The following OR2T1 variants were observed in gnomAD, a reference collection of about 807,000 sequenced individuals.
OR2T1 encodes olfactory receptor family 2 subfamily T member 1, also known as olfactory receptor 2T1.
For missense variants in OR2T1, 440 were observed against 390.2 expected (o/e 1.13, Z -1.07); for synonymous variants, 186 against 145.4 (o/e 1.28, Z -2.01).
At chr1:248,403,894 T>C (rs921208540) in intron 1 of OR2T1, among the ~76,000 whole-genome samples, 2 of 152,090 alleles carry the variant, frequency 1.3e-5, no homozygotes, top group African/African-American at 4.8e-5. Context: ...TCCCTTTGCA[T>C]TGCTAGGTTT....
intron 1 of OR2T1, 163 bp from the exon 2 acceptor site, chr1:248,405,952 T>G (rs750396461): frequency 6.6e-7 from 1 of 1,506,314 alleles, no homozygotes; most frequent in African/African-American, 1.4e-5. Context: ...CAATTTTATT[T>G]AAAAACCTTC....
Position 248,406,495 on chromosome 1 carries a change from C to T in OR2T1, c.348C>T (p.Leu116=). 6.2e-7 allele frequency: 1 copy of T among 1,614,152 alleles called. No individual in the cohort carries two copies. Among genetic ancestry groups the T allele is most frequent in the Non-Finnish European group, 8.5e-7 (1 of 1,180,012 alleles). The stretch of plus-strand genomic sequence containing the variant: ...GAGCTGAATTCTTCCTGCTGGGCCT[C>T]ATGGCCTATGACCGCTATGTGGCCA... ...LVGAEFFLLG[L]MAYDRYVAIC... Residue 116 remains leucine (L), a synonymous_variant, in exon 2 of 2, where the codon CTC becomes CTT. Transcript: ENST00000642005.
intron 1 of OR2T1, among the ~76,000 whole-genome samples, chr1:248,404,249 A>AGAGAGCAGAGGGCGCTACTACATATACGT (rs1416219656): frequency 3.7e-4 from 1 of 2,694 alleles, no homozygotes; most frequent in African/African-American, 9.9e-4. Context: ...AGCAGAGACC[A>AGAGAGCAGAGGGCGCTACTACATATACGT]CTGTTTGACT....
chr1:248,406,290 T>A lies in OR2T1; in HGVS notation c.143T>A (p.Ile48Asn). 4.3e-6 allele frequency: 7 copies of A among 1,614,164 alleles called. No individual in the cohort carries two copies. Among genetic ancestry groups the A allele is most frequent in the Non-Finnish European group, 5.9e-6 (7 of 1,180,014 alleles). Residue 48 changes from isoleucine to asparagine, a missense_variant, in exon 2 of 2, where the codon ATC (isoleucine) becomes AAC (asparagine). By Grantham distance (149) the Ile-to-Asn change is moderately radical. Coordinates refer to ENST00000642005, the MANE Select transcript of OR2T1 (RefSeq NM_030904.2). ...LMANGVMIFL[I>N]QTDLRLHTPM... is the part of the protein sequence containing the mutation. The stretch of plus-strand genomic sequence containing the variant: ...GCCAATGGGGTTATGATCTTCCTGA[T>A]CCAAACAGATTTGCGCCTTCATACA...
rs1230462048 is a variant in OR2T1, at chr1:248,407,158, G to A, written c.*54G>A. ...AATGGGGGACTCTGTGGTCACTGTGGCTGTGCTTTCATCAAAAGATGAAGC... is the reference window on the plus strand; with the variant it reads ...AATGGGGGACTCTGTGGTCACTGTGACTGTGCTTTCATCAAAAGATGAAGC... On this transcript the variant is annotated 3_prime_UTR_variant, in exon 2 of 2. Coordinates refer to ENST00000642005, the MANE Select transcript of OR2T1 (RefSeq NM_030904.2). 12 of 1,486,958 alleles carry A rather than the reference G, an allele frequency of 8.1e-6. No individual in the cohort carries two copies. Among genetic ancestry groups the A allele is most frequent in the Admixed American group, 2.3e-5 (1 of 43,658 alleles). The allele number at this position is 1,486,958 out of a possible 1,614,324, so 92.1% of individuals were successfully genotyped here.
chr1:248,407,295 CT>C lies in OR2T1; in HGVS notation c.*192del, dbSNP rs1572882555. 2.3e-5 allele frequency: 11 copies of C among 469,258 alleles called. No homozygotes were observed. Among genetic ancestry groups the C allele is most frequent in the Non-Finnish European group, 3.7e-5 (10 of 270,910 alleles). 29.1% of individuals were successfully genotyped at this position (469,258 alleles called of 1,614,324 possible). On this transcript the variant is annotated 3_prime_UTR_variant, in exon 2 of 2. Coordinates refer to ENST00000642005, the MANE Select transcript of OR2T1 (RefSeq NM_030904.2). ...TTTTAGGCCTCAGAAAACTGAATCT[CT>C]CTCTGTGATCTTCGCCTTCCCTCTT... is the stretch of plus-strand genomic sequence containing the variant.
intron 1 of OR2T1, among the ~76,000 whole-genome samples, chr1:248,403,519 G>A (rs898100554): frequency 6.6e-6 from 1 of 152,116 alleles, no homozygotes; most frequent in Non-Finnish European, 1.5e-5. Flanking sequence ...ATTAATTAAT[G>A]TCGTGACCAG....
Position 248,406,644 on chromosome 1 carries a change from C to T in OR2T1, c.497C>T (p.Pro166Leu), listed in dbSNP as rs747417810. 3.1e-6 allele frequency: 5 copies of T among 1,614,046 alleles called. No individual in the cohort carries two copies. Among genetic ancestry groups the T allele is most frequent in the East Asian group, 2.2e-5 (1 of 44,896 alleles). The change falls in exon 2 of 2, where the codon CCC becomes CTC. Residue 166 changes from proline to leucine, a missense_variant. Coordinates refer to ENST00000642005, the MANE Select transcript of OR2T1 (RefSeq NM_030904.2). ...CTAACCCCCATCACCATGAGCTTTC[C>T]CTTCTGCAATTCCCGGGAGATTAAC... ...FLLTPITMSF[P>L]FCNSREINHF...
chr1:248,404,235 A>G, intron 1 of OR2T1, among the ~76,000 whole-genome samples: 1 of 152,300 alleles, frequency 6.6e-6, no homozygotes, highest in Non-Finnish European at 1.5e-5. Context: ...AAGGGTGAAC[A>G]GACAGCAGAG....
chr1:248,403,646 T>G (rs1558313581), intron 1 of OR2T1, among the ~76,000 whole-genome samples: 1 of 152,176 alleles, frequency 6.6e-6, no homozygotes, highest in African/African-American at 2.4e-5. Context: ...TTCTGATTAT[T>G]TTTATGTGTA....
chr1:248,407,670 C>T lies in OR2T1; in HGVS notation c.*566C>T, dbSNP rs1661594472. 1 of 152,422 alleles carries T rather than the reference C, an allele frequency of 6.6e-6. No individual in the cohort carries two copies. Among genetic ancestry groups the T allele is most frequent in the African/African-American group, 2.4e-5 (1 of 41,456 alleles). 9.4% of individuals were successfully genotyped at this position (152,422 alleles called of 1,614,324 possible). A position where few individuals can be genotyped will look rare whatever the true frequency, so the allele number is the denominator to read the frequency against. On this transcript the variant is annotated 3_prime_UTR_variant, in exon 2 of 2. Transcript: ENST00000642005. ...GCCAAAAGGAGAGGACAGAAAACTT[C>T]TGGACAGCTAAACTCATGAAGCTGA...
At chr1:248,405,910 A>G (rs913566901) in intron 1 of OR2T1, 11 of 1,113,896 alleles carry the variant, frequency 9.9e-6, no homozygotes, top group South Asian at 3.0e-5. Context: ...ATCTTCTCCA[A>G]TGTATTTAAG....
In OR2T1 at chr1:248,407,109, C is replaced by T. The variant is rs181836033; in HGVS notation, c.*5C>T. 238 of 1,561,356 alleles carry T rather than the reference C, an allele frequency of 1.5e-4. No individual in the cohort carries two copies. In the African/African-American group the frequency reaches 2.4e-3, roughly 16 times the overall value. On this transcript the variant is annotated 3_prime_UTR_variant, in exon 2 of 2. Coordinates refer to ENST00000642005, the MANE Select transcript of OR2T1 (RefSeq NM_030904.2). Reference sequence around the variant, plus strand: ...GTGTCAGGAGGTGTCTTTTGACAGTCGACTCCTTCCCATGCATATGGTAAA... The same window carrying T: ...GTGTCAGGAGGTGTCTTTTGACAGTTGACTCCTTCCCATGCATATGGTAAA...
chr1:248,404,866 C>T (rs1230324139), intron 1 of OR2T1, among the ~76,000 whole-genome samples: 1 of 152,064 alleles, frequency 6.6e-6, no homozygotes, highest in African/African-American at 2.4e-5. Context: ...AGTCCAAACA[C>T]TCCTGGCACT....
intron 1 of OR2T1, among the ~76,000 whole-genome samples, chr1:248,404,058 G>C (rs1486223331): frequency 6.6e-6 from 1 of 151,112 alleles, no homozygotes; most frequent in Non-Finnish European, 1.5e-5. Flanking sequence ...GTTTGTTGTG[G>C]ATTTTACTGT....
rs1457418229 is a variant in OR2T1, at chr1:248,406,651, C to A, written c.504C>A (p.Cys168Ter). The change falls in exon 2 of 2, where the codon TGC (cysteine) becomes TGA (stop). Residue 168 changes from cysteine (C) to a stop codon, truncating the protein, a stop_gained. Coordinates refer to ENST00000642005, the MANE Select transcript of OR2T1 (RefSeq NM_030904.2). LOFTEE classifies it low-confidence loss of function (END_TRUNC). The part of the protein sequence containing the change: ...LTPITMSFPF[C>*]NSREINHFFC... ...CCATCACCATGAGCTTTCCCTTCTG[C>A]AATTCCCGGGAGATTAACCACTTCT... 5 of 1,614,150 alleles carry A rather than the reference C, an allele frequency of 3.1e-6. No individual in the cohort carries two copies. Among genetic ancestry groups the A allele is most frequent in the Non-Finnish European group, 2.5e-6 (3 of 1,180,016 alleles).
chr1:248,406,666 T>G lies in OR2T1; in HGVS notation c.519T>G (p.Ile173Met), dbSNP rs1661567103. ...TTCCCTTCTGCAATTCCCGGGAGAT[T>G]AACCACTTCTTCTGTGAGGCACCAG... Reference protein sequence around the residue: ...MSFPFCNSREINHFFCEAPAV... With the variant: ...MSFPFCNSREMNHFFCEAPAV... The change falls in exon 2 of 2, where the codon ATT (isoleucine) becomes ATG (methionine). Residue 173 changes from isoleucine to methionine, a missense_variant. Ile to Met is a conservative substitution (Grantham distance 10). Transcript: ENST00000642005. 1.2e-6 allele frequency: 2 copies of G among 1,614,100 alleles called. No individual in the cohort carries two copies. Among genetic ancestry groups the G allele is most frequent in the Admixed American group, 1.7e-5 (1 of 60,008 alleles).
rs370719707 is a variant in OR2T1 at position 248,406,102 on chromosome 1, T to A, written c.-33-13T>A. On this transcript the variant is annotated splice_polypyrimidine_tract_variant and intron_variant, in intron 1 of 1. Coordinates refer to ENST00000642005, the MANE Select transcript of OR2T1 (RefSeq NM_030904.2). ...TTTTACTGCCCTGGGAATGCTATCA[T>A]CTTATTTGGAAGATATTACCTTATA... The A allele has an allele frequency of 6.2e-7, 1 of 1,614,080 alleles. No homozygotes were observed.
chr1:248,403,763 C>A (rs533486537), intron 1 of OR2T1, among the ~76,000 whole-genome samples: 3 of 152,070 alleles, frequency 2.0e-5, no homozygotes, highest in Non-Finnish European at 4.4e-5. Flanking sequence ...TTTAACAAAA[C>A]ATTTTACTTA....
Sources: allele counts gnomAD v4.1 joint callset (sites outside exome capture counted in the v4.1 genomes callset), GRCh38; gene constraint gnomAD v4.1.1; transcripts MANE v1.5; gene names NCBI Gene and HGNC (gene_info 2026-07-23, HGNC 2026-07-21).